The following CADM2 variants were observed in gnomAD, a reference collection of about 807,000 sequenced individuals.
The protein encoded by CADM2 is cell adhesion molecule 2.
A neutral mutation model predicts 49.8 loss-of-function variants in CADM2; 12 were observed. The observed-to-expected ratio is 0.24, with a 90% CI of 0.15 to 0.39. The LOEUF (loss-of-function observed/expected upper bound fraction) is 0.39. CADM2 is among the 10% of genes least tolerant of loss of function. The probability of loss-of-function intolerance (pLI) is 1.00; values close to 1 mark genes in which losing one functional copy is unlikely to be tolerated. For synonymous variants in CADM2, 214 were observed against 175.4 expected, an observed-to-expected ratio of 1.22 and a Z score of -1.74; for missense variants, 378 against 492.3, an observed-to-expected ratio of 0.77 and a Z score of 2.20.
chr3:85,517,421 G>C (rs2060930408), intron 1 of CADM2, among the ~76,000 whole-genome samples: 1 of 152,072 alleles, frequency 6.6e-6, no homozygotes, highest in African/African-American at 2.4e-5. Context: ...TCTAAGCCAA[G>C]TGCCATTGTA....
chr3:85,792,387 G>A (rs1237885058), intron 2 of CADM2, among the ~76,000 whole-genome samples: 1 of 151,954 alleles, frequency 6.6e-6, no homozygotes, highest in African/African-American at 2.4e-5. Flanking sequence ...CTTGTTTTTT[G>A]TTTGTTCCTC....
chr3:85,377,395 G>A (rs2033655948), intron 1 of CADM2, among the ~76,000 whole-genome samples: 1 of 151,976 alleles, frequency 6.6e-6, no homozygotes, highest in African/African-American at 2.4e-5. Flanking sequence ...CCTTGCCAAC[G>A]GAAGTTGATG....
intron 1 of CADM2, among the ~76,000 whole-genome samples, chr3:85,277,026 C>G (rs2106870560): frequency 6.6e-6 from 1 of 150,926 alleles, no homozygotes; most frequent in East Asian, 1.9e-4. Context: ...TAATCTTAAG[C>G]TAATACAAAG....
chr3:85,816,766 G>A (rs1438005127), intron 3 of CADM2, among the ~76,000 whole-genome samples: 3 of 151,990 alleles, frequency 2.0e-5, no homozygotes, highest in Non-Finnish European at 4.4e-5. Context: ...ACAGCGACTC[G>A]CTAAGGCAAT....
chr3:85,321,720 G>T (rs980022213), intron 1 of CADM2, among the ~76,000 whole-genome samples: 2 of 151,926 alleles, frequency 1.3e-5, no homozygotes, highest in African/African-American at 4.8e-5. Flanking sequence ...TGATCCATTA[G>T]TACATAAAGA....
rs73845405 is a variant in CADM2, at chr3:85,187,947, A to G, written c.61+228279A>G. ...TGTTTTCATCTTTTCTTATAAGTCA[A>G]TAAAATTATAATGTAAGTTACAGTT... On this transcript the variant is annotated intron_variant, in intron 1 of 9. Transcript: ENST00000383699. Among the ~76,000 whole-genome samples, 541 of 152,142 alleles carry G rather than the reference A, an allele frequency of 3.6e-3. 5 individuals carry two copies. The highest frequency in any genetic ancestry group is 0.013 in the African/African-American group (526 of 41,570).
chr3:85,622,339 C>T (rs1176766925), intron 1 of CADM2, among the ~76,000 whole-genome samples: 1 of 152,128 alleles, frequency 6.6e-6, no homozygotes, highest in Non-Finnish European at 1.5e-5. Context: ...CTGTTTTCTA[C>T]ACTACACTAA....
chr3:85,968,253 C>A (rs1245235384), intron 8 of CADM2, among the ~76,000 whole-genome samples: 2 of 151,538 alleles, frequency 1.3e-5, no homozygotes, highest in Non-Finnish European at 3.0e-5. Flanking sequence ...GAAAGGTGTA[C>A]CTCTGACTGG....
intron 1 of CADM2, among the ~76,000 whole-genome samples, chr3:85,386,975 C>T (rs9879025): frequency 0.28 from 41,902 of 152,030 alleles, 6,034 homozygotes; most frequent in South Asian, 0.34. Context: ...AACTTTACCC[C>T]ACCATATAAA....
intron 1 of CADM2, among the ~76,000 whole-genome samples, chr3:85,048,448 G>C (rs780398497): frequency 8.5e-5 from 13 of 152,058 alleles, no homozygotes; most frequent in Non-Finnish European, 1.6e-4. Flanking sequence ...TAGGAGAAGA[G>C]ATAAAATGAT....
intron 5 of CADM2, among the ~76,000 whole-genome samples, chr3:85,903,302 T>C (rs563742811): frequency 8.5e-5 from 13 of 152,174 alleles, no homozygotes; most frequent in African/African-American, 3.1e-4. Context: ...TTACCTTTAC[T>C]GGTGCTTTTT....
At chr3:85,091,913 A>G (rs1198178117) in intron 1 of CADM2, among the ~76,000 whole-genome samples, 1 of 152,160 alleles carries the variant, frequency 6.6e-6, no homozygotes, top group South Asian at 2.1e-4. Context: ...CCAATAATTA[A>G]TGTGTCACTT....
intron 1 of CADM2, among the ~76,000 whole-genome samples, chr3:85,531,312 G>A (rs1388156243): frequency 6.6e-6 from 1 of 152,120 alleles, no homozygotes; most frequent in African/African-American, 2.4e-5. Context: ...GAGACCCAAG[G>A]AGACATAAAG....
At chr3:86,017,896 C>CT (rs1732513158) in intron 8 of CADM2, among the ~76,000 whole-genome samples, 2 of 143,212 alleles carry the variant, frequency 1.4e-5, no homozygotes, top group Admixed American at 7.0e-5. Flanking sequence ...TTTTATTATA[C>CT]TTTAAGTTTT....
At chr3:85,509,761 A>G (rs998022923) in intron 1 of CADM2, among the ~76,000 whole-genome samples, 3 of 152,090 alleles carry the variant, frequency 2.0e-5, no homozygotes, top group Admixed American at 1.3e-4. Context: ...GTTTTAGGAA[A>G]CAGCCTGGCA....
rs193053730 is a variant in CADM2, at chr3:85,883,019, T to A, written c.239-272T>A. Among the ~76,000 whole-genome samples the A allele has an allele frequency of 2.3e-3, 355 of 152,322 alleles. 4 individuals are homozygous for A. Among genetic ancestry groups the A allele is most frequent in the African/African-American group, 8.3e-3 (345 of 41,574 alleles). On this transcript the variant is annotated intron_variant, in intron 3 of 9. Coordinates refer to ENST00000383699, the MANE Select transcript of CADM2 (RefSeq NM_001167675.2). Reference sequence around the variant, plus strand: ...AAAGCTATGTTTATCAACATCAGTATCTACCTCATCTGAAGTATTGCATTA... The same window carrying A: ...AAAGCTATGTTTATCAACATCAGTAACTACCTCATCTGAAGTATTGCATTA...
At chr3:85,284,217 T>A (rs954492923) in intron 1 of CADM2, among the ~76,000 whole-genome samples, 5 of 152,126 alleles carry the variant, frequency 3.3e-5, no homozygotes, top group African/African-American at 1.2e-4. Context: ...CTCTAAGAGT[T>A]TGAGGATCTT....
chr3:85,306,289 A>G (rs2107019335), intron 1 of CADM2, among the ~76,000 whole-genome samples: 1 of 151,692 alleles, frequency 6.6e-6, no homozygotes, highest in Admixed American at 6.6e-5. Flanking sequence ...TAAATTGCAA[A>G]TTTGTTGTTA....
intron 1 of CADM2, among the ~76,000 whole-genome samples, chr3:85,722,215 C>G (rs1487571834): frequency 1.3e-5 from 2 of 151,804 alleles, no homozygotes; most frequent in Non-Finnish European, 2.9e-5. Flanking sequence ...CTCTCTGCAG[C>G]TGGTTATCCT....
Sources: gnomAD v4.1 joint callset for allele counts (sites outside exome capture counted in the v4.1 genomes callset) on GRCh38, gnomAD v4.1.1 for gene constraint, MANE v1.5 for transcripts, NCBI Gene and HGNC (gene_info 2026-07-23, HGNC 2026-07-21) for gene names.